Variants in INO80 observed in about 807,000 individuals in gnomAD.
INO80 encodes the protein chromatin-remodeling ATPase INO80.
In INO80, 20 loss-of-function variants were observed where a neutral mutation model predicts 203.4. The ratio of observed to expected loss-of-function variants is 0.10; its 90% CI spans 0.07 to 0.14. The LOEUF (loss-of-function observed/expected upper bound fraction) is 0.14, where lower values mean the gene tolerates loss of function less well. Among genes scored for constraint, INO80 ranks in the 10% least tolerant of loss-of-function variants. The pLI, the probability that INO80 is intolerant of heterozygous loss-of-function variation, is 1.00. For missense variants in INO80, 1,419 were observed against 1,914.4 expected (o/e 0.74, Z 4.83); for synonymous variants, 726 against 685.2 (o/e 1.06, Z -0.93).
At chr15:41,053,326 C>T (rs530263642) in intron 19 of INO80, among the ~76,000 whole-genome samples, 29 of 152,118 alleles carry the variant, frequency 1.9e-4, no homozygotes, top group African/African-American at 6.5e-4. Flanking sequence ...AGGATGGTCT[C>T]GATTTCCTGA....
chr15:41,031,547 G>GGAGGA lies in INO80; in HGVS notation c.2908-3812_2908-3811insTCCTC, dbSNP rs1566919014. 1.2e-3 allele frequency among the ~76,000 whole-genome samples: 6 copies of GGAGGA among 5,164 alleles called. 1 individual carries two copies. Among genetic ancestry groups the GGAGGA allele is most frequent in the Non-Finnish European group, 2.5e-3 (4 of 1,616 alleles). The allele number at this position is 5,164 out of a possible 152,430, so 3.4% of individuals were successfully genotyped here. A position where few individuals can be genotyped will look rare whatever the true frequency, so the allele number is the denominator to read the frequency against. Reference sequence around the variant, plus strand: ...GAGGAAGGAGAAGGGAGGAAGGGAGGAGGGAGGAAGGGAGGAAGGGAGGAA... The same window carrying GGAGGA: ...GAGGAAGGAGAAGGGAGGAAGGGAGGGAGGAAGGGAGGAAGGGAGGAAGGGAGGAA... On this transcript the variant is annotated intron_variant, in intron 24 of 35. Transcript: ENST00000648947.
intron 6 of INO80, among the ~76,000 whole-genome samples, chr15:41,086,538 C>G (rs1442145010): frequency 6.6e-6 from 1 of 151,820 alleles, no homozygotes; most frequent in Non-Finnish European, 1.5e-5. Flanking sequence ...TTAATCCCAA[C>G]TACTCGGGAG....
intron 7 of INO80, among the ~76,000 whole-genome samples, chr15:41,084,753 A>G (rs1243810334): frequency 2.0e-5 from 3 of 152,158 alleles, no homozygotes; most frequent in East Asian, 3.8e-4. Flanking sequence ...AAATAAATAA[A>G]TATTTATTAT....
At chr15:41,070,842 A>G (rs191374014) in intron 12 of INO80, among the ~76,000 whole-genome samples, 6 of 152,314 alleles carry the variant, frequency 3.9e-5, no homozygotes, top group Admixed American at 3.9e-4. Flanking sequence ...GAAATACACA[A>G]ATATTCTCCA....
At chr15:41,047,588 T>A in intron 22 of INO80, 87 bp from the exon 23 acceptor site, 1 of 919,652 alleles carries the variant, frequency 1.1e-6, no homozygotes, top group Non-Finnish European at 1.7e-6. Flanking sequence ...AGTTTTGACT[T>A]AAGAACAAAA....
At chr15:41,063,767 CAA>C (rs925801810) in intron 14 of INO80, among the ~76,000 whole-genome samples, 55 of 151,258 alleles carry the variant, frequency 3.6e-4, no homozygotes, top group Admixed American at 7.9e-4. Context: ...GACTCCGTCT[CAA>C]AAAGAGAAAT....
intron 14 of INO80, among the ~76,000 whole-genome samples, chr15:41,063,556 T>C (rs1391335621): frequency 6.6e-6 from 1 of 151,164 alleles, no homozygotes; most frequent in East Asian, 2.0e-4. Context: ...GGCGGATCAC[T>C]TGAGGTCAGG....
At chr15:41,054,767 T>A (rs988159114) in intron 18 of INO80, among the ~76,000 whole-genome samples, 1 of 152,164 alleles carries the variant, frequency 6.6e-6, no homozygotes, top group Non-Finnish European at 1.5e-5. Context: ...GCCTCCCGTG[T>A]AGCTGGGATT....
chr15:41,008,602 AT>A (rs2044086105), intron 27 of INO80, among the ~76,000 whole-genome samples: 1 of 152,194 alleles, frequency 6.6e-6, no homozygotes, highest in Non-Finnish European at 1.5e-5. Flanking sequence ...TACAATTTTT[AT>A]TTATCAAGCA....
chr15:41,006,745 A>G (rs2044046095), intron 27 of INO80, among the ~76,000 whole-genome samples: 1 of 152,226 alleles, frequency 6.6e-6, no homozygotes, highest in African/African-American at 2.4e-5. Context: ...GCTGGTCAAC[A>G]AAGTAGACAA....
chr15:41,070,969 G>C (rs1255829389), intron 12 of INO80, among the ~76,000 whole-genome samples: 1 of 152,216 alleles, frequency 6.6e-6, no homozygotes, highest in Non-Finnish European at 1.5e-5. Flanking sequence ...AGGAGTTTGA[G>C]ACCAGTCTGG....
intron 1 of INO80, chr15:41,109,140 A>G (rs897061541): frequency 8.5e-5 from 13 of 152,888 alleles, no homozygotes; most frequent in African/African-American, 2.9e-4. Context: ...GAAAGGGCAG[A>G]TTTGATAGCT....
intron 27 of INO80, among the ~76,000 whole-genome samples, chr15:41,009,241 T>A (rs1330921747): frequency 6.6e-6 from 1 of 151,858 alleles, no homozygotes; most frequent in African/African-American, 2.4e-5. Context: ...CTTTTTTTTT[T>A]TTTATTATAC....
At position 41,074,489 on chromosome 15, in the gene INO80, C is replaced by T. The variant is rs1210354280; in HGVS notation, c.1208G>A (p.Arg403Gln). The T allele has an allele frequency of 6.2e-6, 10 of 1,613,734 alleles. No homozygotes were observed. Among genetic ancestry groups the T allele is most frequent in the East Asian group, 2.2e-5 (1 of 44,868 alleles). The change falls in exon 10 of 36, where the codon CGA becomes CAA. Residue 403 changes from arginine (R) to glutamine (Q), a missense_variant. Transcript: ENST00000648947. ...ELYAHFMSRK[R>Q]DMGHDGIQEE... is the part of the protein sequence containing the mutation. ...CTGGATACCATCATGACCCATATCT[C>T]GTTTGCGACTCATGAAATGGGCATA...
At chr15:41,052,248 T>A (rs2140535686) in intron 19 of INO80, among the ~76,000 whole-genome samples, 1 of 152,306 alleles carries the variant, frequency 6.6e-6, no homozygotes, top group South Asian at 2.1e-4. Context: ...CTCAGTTGTA[T>A]CTATGTGACA....
At chr15:41,072,449 A>G (rs990091773) in intron 11 of INO80, among the ~76,000 whole-genome samples, 3 of 151,822 alleles carry the variant, frequency 2.0e-5, no homozygotes, top group Non-Finnish European at 2.9e-5. Flanking sequence ...GGCCAGGCGC[A>G]GTGGCTCACG....
chr15:41,110,520 C>G (rs954525381), intron 1 of INO80, among the ~76,000 whole-genome samples: 3 of 152,114 alleles, frequency 2.0e-5, no homozygotes, highest in African/African-American at 7.2e-5. Context: ...CGCACTATAG[C>G]CTTGACCTGC....
chr15:41,005,063 C>T (rs1024399392), intron 28 of INO80, among the ~76,000 whole-genome samples: 4 of 151,754 alleles, frequency 2.6e-5, no homozygotes, highest in African/African-American at 9.7e-5. Flanking sequence ...GATGTGGTGG[C>T]GCATGTCTGT....
chr15:41,054,797 C>G (rs1321766319), intron 18 of INO80, among the ~76,000 whole-genome samples: 2 of 152,148 alleles, frequency 1.3e-5, no homozygotes, highest in Non-Finnish European at 2.9e-5. Flanking sequence ...CGCCATCATG[C>G]CCGGCTAATT....
Sources: allele counts gnomAD v4.1 joint callset (sites outside exome capture counted in the v4.1 genomes callset), GRCh38; gene constraint gnomAD v4.1.1; transcripts MANE v1.5; gene names NCBI Gene and HGNC (gene_info 2026-07-23, HGNC 2026-07-21).